CACHD1: variants seen among roughly 807,000 people sequenced by gnomAD.
CACHD1 encodes the protein cache domain containing 1.
CACHD1 carries 71 observed loss-of-function variants against 138.7 expected under a neutral mutation model. That is an observed-to-expected ratio of 0.51 (90% CI 0.42 to 0.62). The LOEUF (loss-of-function observed/expected upper bound fraction) is 0.62, where lower values mean the gene tolerates loss of function less well. CACHD1 is among the 20% of genes least tolerant of loss of function. CACHD1 has a pLI of 0.00. For missense variants in CACHD1, 1,389 were observed against 1,625.3 expected, an observed-to-expected ratio of 0.85 and a Z score of 2.50; for synonymous variants, 578 against 591.5, an observed-to-expected ratio of 0.98 and a Z score of 0.33.
chr1:64,653,833 A>G lies in CACHD1; in HGVS notation c.1616A>G (p.His539Arg). 1 of 1,613,092 alleles carries G rather than the reference A, an allele frequency of 6.2e-7. No individual in the cohort carries two copies. Among genetic ancestry groups the G allele is most frequent in the Non-Finnish European group, 8.5e-7 (1 of 1,179,144 alleles). ...SEPPLHTDII[H>R]YENIPKFELV... is the part of the protein sequence containing the mutation. ...CCCCCACTTCATACTGACATCATACATTATGAAAATATTCCAAAATTTGAA... is the reference window on the plus strand; with the variant it reads ...CCCCCACTTCATACTGACATCATACGTTATGAAAATATTCCAAAATTTGAA... The change falls in exon 11 of 27, where the codon CAT becomes CGT. Residue 539 changes from histidine (H) to arginine (R), a missense_variant. By Grantham distance (29) the His-to-Arg change is conservative (BLOSUM62 0). Around this residue, in one of 5 missense-constraint regions of CACHD1, gnomAD observed 1,000 missense variants for 1,114.7 expected, o/e 0.90. Coordinates refer to ENST00000651257, the MANE Select transcript of CACHD1 (RefSeq NM_020925.4).
intron 7 of CACHD1, among the ~76,000 whole-genome samples, chr1:64,640,892 G>T (rs916835593): frequency 2.7e-5 from 4 of 150,254 alleles, no homozygotes; most frequent in African/African-American, 7.3e-5. Flanking sequence ...AATCACCTTT[G>T]TTTTTTTTTA....
chr1:64,522,752 A>G (rs1646508702), intron 1 of CACHD1, among the ~76,000 whole-genome samples: 1 of 152,238 alleles, frequency 6.6e-6, no homozygotes, highest in South Asian at 2.1e-4. Flanking sequence ...AGGCATAGGC[A>G]AAATTTAGTA....
In CACHD1 at chr1:64,585,551, T is replaced by C. The variant is rs368788163; in HGVS notation, c.410+3247T>C. ...TCTGCACTGAATGCTGAAGATGCAG[T>C]ATTCTCTCCTGACCAGGAGTAGTTG... On this transcript the variant is annotated intron_variant, in intron 3 of 26. Transcript: ENST00000651257. Among the ~76,000 whole-genome samples the C allele has an allele frequency of 8.5e-5, 13 of 152,314 alleles. 1 individual carries two copies. The highest frequency in any genetic ancestry group is 4.6e-4 in the Admixed American group (7 of 15,304).
chr1:64,679,203 G>T (rs1265961439), intron 23 of CACHD1, among the ~76,000 whole-genome samples: 1 of 152,116 alleles, frequency 6.6e-6, no homozygotes, highest in Non-Finnish European at 1.5e-5. Context: ...CATATTTATT[G>T]GACCTGGTGC....
chr1:64,637,293 G>A (rs1311777850), intron 7 of CACHD1, among the ~76,000 whole-genome samples: 1 of 152,220 alleles, frequency 6.6e-6, no homozygotes, highest in Admixed American at 6.5e-5. Context: ...CTGGGGGAAG[G>A]TAATGAGGAT....
chr1:64,620,254 A>C (rs1307711915), intron 4 of CACHD1, among the ~76,000 whole-genome samples: 3 of 152,180 alleles, frequency 2.0e-5, no homozygotes, highest in Admixed American at 2.0e-4. Flanking sequence ...CTTTGGAAAC[A>C]GTGAATATCT....
intron 2 of CACHD1, among the ~76,000 whole-genome samples, chr1:64,571,970 C>T (rs1646930395): frequency 6.6e-6 from 1 of 152,166 alleles, no homozygotes; most frequent in South Asian, 2.1e-4. Flanking sequence ...GTCTATGTTA[C>T]ACTTAGTGTT....
rs1208376545 is a variant in CACHD1, at chr1:64,632,622, G to A, written c.668G>A (p.Arg223Gln). The A allele has an allele frequency of 6.2e-6, 10 of 1,613,748 alleles. No homozygotes were observed. The highest frequency in any genetic ancestry group is 2.7e-5 in the African/African-American group (2 of 74,852). Residue 223 changes from arginine to glutamine, a missense_variant, in exon 6 of 27, where the codon CGG (arginine) becomes CAG (glutamine). By Grantham distance (43) the Arg-to-Gln change is conservative. Transcript: ENST00000651257. ...RSRPIYVSTV[R>Q]PQSKHIVVIL... The stretch of plus-strand genomic sequence containing the variant: ...AGACCCATCTACGTCTCTACAGTCC[G>A]GCCGCAGTCAAAGCACATAGTAGTG...
At chr1:64,527,869 G>A (rs948521258) in intron 1 of CACHD1, among the ~76,000 whole-genome samples, 2 of 152,118 alleles carry the variant, frequency 1.3e-5, no homozygotes, top group African/African-American at 4.8e-5. Context: ...TGTAAATTAG[G>A]GTCCAACAGT....
chr1:64,490,948 AC>A (rs992796901), intron 1 of CACHD1, among the ~76,000 whole-genome samples: 3 of 151,954 alleles, frequency 2.0e-5, no homozygotes, highest in Admixed American at 2.0e-4. Flanking sequence ...TTTTCAGAAA[AC>A]CCCCCATCCT....
At chr1:64,520,887 A>G (rs160115) in intron 1 of CACHD1, among the ~76,000 whole-genome samples, 14,421 of 152,238 alleles carry the variant, frequency 0.095, 865 homozygotes, top group African/African-American at 0.17. Flanking sequence ...AAACTGAGAC[A>G]TGCAGTGGGA....
chr1:64,664,279 G>T, intron 14 of CACHD1: 1 of 574,912 alleles, frequency 1.7e-6, no homozygotes, highest in Non-Finnish European at 3.1e-6. Context: ...AGAAAGCCTA[G>T]GTAGGGTGAA....
intron 25 of CACHD1, 64 bp from the exon 26 acceptor site, chr1:64,681,941 A>G (rs1650204880): frequency 7.2e-7 from 1 of 1,383,746 alleles, no homozygotes; most frequent in African/African-American, 1.4e-5. Flanking sequence ...CTCAGAGCAA[A>G]TGTGTTTGAA....
chr1:64,490,351 G>A (rs922393158), intron 1 of CACHD1, among the ~76,000 whole-genome samples: 1 of 144,740 alleles, frequency 6.9e-6, no homozygotes, highest in South Asian at 2.3e-4. Flanking sequence ...CAGGGTTTTC[G>A]TTAATAGAAA....
At chr1:64,474,373 G>C (rs572860293) in intron 1 of CACHD1, among the ~76,000 whole-genome samples, 1 of 152,232 alleles carries the variant, frequency 6.6e-6, no homozygotes, top group East Asian at 1.9e-4. Flanking sequence ...GGTAGGTAGA[G>C]ACCTGGATTC....
intron 8 of CACHD1, 81 bp downstream of exon 8, chr1:64,642,050 A>T: frequency 7.8e-7 from 1 of 1,276,440 alleles, no homozygotes. Context: ...AAAAAGAATC[A>T]TAACAGTGTG....
chr1:64,650,607 T>C (rs1649057386), intron 9 of CACHD1, among the ~76,000 whole-genome samples: 1 of 152,190 alleles, frequency 6.6e-6, no homozygotes, highest in Admixed American at 6.5e-5. Context: ...CTTCTTCCTA[T>C]CAAGTGATGC....
intron 1 of CACHD1, among the ~76,000 whole-genome samples, chr1:64,497,893 A>G (rs926124802): frequency 6.6e-6 from 1 of 152,200 alleles, no homozygotes; most frequent in Non-Finnish European, 1.5e-5. Context: ...TGGGAGGCCA[A>G]GGTGGGCAGA....
Position 64,470,805 on chromosome 1 carries a change from TG to T in CACHD1, c.63del (p.Trp21CysfsTer68). The T allele has an allele frequency of 1.5e-6, 2 of 1,376,986 alleles. No individual in the cohort carries two copies. The highest frequency in any genetic ancestry group is 2.0e-6 in the Non-Finnish European group (2 of 1,003,710). 85.3% of individuals were successfully genotyped at this position (1,376,986 alleles called of 1,614,324 possible). ...AVARARRPPLWLLCLVACWLL... is the reference protein window; with the variant it reads ...AVARARRPPLXLLCLVACWLL... The stretch of plus-strand genomic sequence containing the variant: ...GGCCCGGGCGCGGCGGCCGCCCCTC[TG>T]GCTGCTCTGCCTGGTCGCGTGCTGG... On this transcript the variant is annotated frameshift_variant, in exon 1 of 27. Transcript: ENST00000651257. LOFTEE classifies it high-confidence loss of function. This position sits in a 1 kb window ranked among gnomAD's most constrained non-coding sequence, Gnocchi z 5.2.
Sources: allele counts gnomAD v4.1 joint callset (sites outside exome capture counted in the v4.1 genomes callset), GRCh38; gene constraint gnomAD v4.1.1; regional missense constraint gnomAD v4.1.1; non-coding constraint Gnocchi (gnomAD v3.1); transcripts MANE v1.5; gene names NCBI Gene and HGNC (gene_info 2026-07-23, HGNC 2026-07-21).